The following ARL13B variants were observed in gnomAD, a reference collection of about 807,000 sequenced individuals.
ARL13B encodes the protein ADP-ribosylation factor-like protein 13B.
Under a neutral mutation model 56.1 loss-of-function variants are expected in ARL13B, and 36 were observed. The ratio of observed to expected loss-of-function variants is 0.64; its 90% CI spans 0.49 to 0.85. The LOEUF is 0.85. Ranked by LOEUF, ARL13B falls within the 40% of genes least tolerant of loss-of-function variation. The pLI is 0.00. For synonymous variants in ARL13B, 178 were observed against 171.1 expected (o/e 1.04, Z -0.32); for missense variants, 519 against 507.1 (o/e 1.02, Z -0.23).
At chr3:94,025,299 A>C (rs2076532524) in intron 3 of ARL13B, among the ~76,000 whole-genome samples, 1 of 151,708 alleles carries the variant, frequency 6.6e-6, no homozygotes, top group Non-Finnish European at 1.5e-5. Flanking sequence ...TATTGATATT[A>C]AAGGCAAAAC....
chr3:94,039,835 G>A, intron 5 of ARL13B, 45 bp from the exon 6 acceptor site: 2 of 1,553,404 alleles, frequency 1.3e-6, no homozygotes, highest in African/African-American at 1.4e-5. Flanking sequence ...ACATGGTTCA[G>A]CACTTTCTCA....
At chr3:93,995,245 A>T (rs1277601154) in intron 1 of ARL13B, among the ~76,000 whole-genome samples, 1 of 152,070 alleles carries the variant, frequency 6.6e-6, no homozygotes, top group African/African-American at 2.4e-5. Flanking sequence ...TCTGTAACTG[A>T]TTCATTGTGT....
rs777393140 is a variant in ARL13B at position 93,995,884 on chromosome 3, C to G, written c.70C>G (p.Leu24Val). 2.5e-6 allele frequency: 4 copies of G among 1,611,810 alleles called. No individual in the cohort carries two copies. The highest frequency in any genetic ancestry group is 3.3e-5 in the Admixed American group (2 of 59,938). The change falls in exon 2 of 10, where the codon CTT (leucine) becomes GTT (valine). Residue 24 changes from leucine to valine, a missense_variant. Coordinates refer to ENST00000394222, the MANE Select transcript of ARL13B (RefSeq NM_001174150.2). ...TTCTATTATTTTAAGAAAGGTGACT[C>G]TTTTGATGGTGGGACTTGATAATGC... ...RWREPVRKVT[L>V]LMVGLDNAGK...
chr3:93,988,531 A>G (rs533443405), intron 1 of ARL13B: 2 of 277,704 alleles, frequency 7.2e-6, no homozygotes, highest in Admixed American at 4.6e-5. Context: ...AAATGTTTCT[A>G]GAGCTACTAA....
intron 3 of ARL13B, among the ~76,000 whole-genome samples, chr3:94,034,524 A>G (rs529576424): frequency 3.5e-5 from 5 of 141,626 alleles, no homozygotes; most frequent in Non-Finnish European, 7.7e-5. Flanking sequence ...TTTTTTTTTA[A>G]TTCCCAGTGC....
At chr3:94,012,302 T>C (rs1392892904) in intron 3 of ARL13B, among the ~76,000 whole-genome samples, 1 of 152,208 alleles carries the variant, frequency 6.6e-6, no homozygotes, top group Non-Finnish European at 1.5e-5. Flanking sequence ...TTGGACCTTT[T>C]AATAGTCATT....
At chr3:94,041,741 A>G (rs997027529) in intron 6 of ARL13B, among the ~76,000 whole-genome samples, 6 of 152,182 alleles carry the variant, frequency 3.9e-5, no homozygotes, top group Admixed American at 1.3e-4. Flanking sequence ...AAAAGTGGGC[A>G]TTGGGTTACC....
At chr3:94,038,462 G>C (rs529003445) in intron 5 of ARL13B, among the ~76,000 whole-genome samples, 1 of 141,606 alleles carries the variant, frequency 7.1e-6, no homozygotes, top group East Asian at 2.3e-4. Context: ...TCCAGTTAAA[G>C]ATCCACAATA....
chr3:94,037,700 TATATA>T (rs1452446471), intron 5 of ARL13B, among the ~76,000 whole-genome samples: 5 of 151,784 alleles, frequency 3.3e-5, no homozygotes, highest in African/African-American at 7.2e-5. Flanking sequence ...ATACCTTTTA[TATATA>T]ATATTTATAA....
chr3:93,983,627 G>A (rs1710317595), intron 1 of ARL13B, among the ~76,000 whole-genome samples: 1 of 152,070 alleles, frequency 6.6e-6, no homozygotes, highest in Non-Finnish European at 1.5e-5. Flanking sequence ...AGGGGAACCT[G>A]CTTTCTGCTT....
At chr3:94,029,505 G>A (rs964658053) in intron 3 of ARL13B, among the ~76,000 whole-genome samples, 8 of 150,746 alleles carry the variant, frequency 5.3e-5, no homozygotes, top group Non-Finnish European at 1.0e-4. Context: ...CTGCCACCAC[G>A]CCCAGCTAAT....
chr3:94,051,303 C>A (rs1052509494), intron 9 of ARL13B, among the ~76,000 whole-genome samples: 1 of 152,040 alleles, frequency 6.6e-6, no homozygotes, highest in African/African-American at 2.4e-5. Flanking sequence ...TTTCTCTCTA[C>A]TCCTAATAAG....
At chr3:93,984,338 A>G (rs553438295) in intron 1 of ARL13B, among the ~76,000 whole-genome samples, 49 of 148,896 alleles carry the variant, frequency 3.3e-4, no homozygotes, top group African/African-American at 1.1e-3. Context: ...CCTGGGCGAC[A>G]GAGCAAGACT....
At position 93,980,252 on chromosome 3, in the gene ARL13B, G is replaced by C. The variant is rs1289172535; in HGVS notation, c.-172G>C. The C allele has an allele frequency of 1.2e-6, 1 of 802,022 alleles. No homozygotes were observed. The highest frequency in any genetic ancestry group is 1.7e-5 in the African/African-American group (1 of 59,118). 49.7% of individuals were successfully genotyped at this position (802,022 alleles called of 1,614,324 possible). A position where few individuals can be genotyped will look rare whatever the true frequency, so the allele number is the denominator to read the frequency against. ...AAGAGGGCAGTCGTCGCGGACCCACGCGGTTAGCAAGGCTTAGTGCTCGGG... is the reference window on the plus strand; with the variant it reads ...AAGAGGGCAGTCGTCGCGGACCCACCCGGTTAGCAAGGCTTAGTGCTCGGG... On this transcript the variant is annotated 5_prime_UTR_variant, in exon 1 of 10. Coordinates refer to ENST00000394222, the MANE Select transcript of ARL13B (RefSeq NM_001174150.2).
At chr3:93,999,155 G>A (rs1169233549) in intron 2 of ARL13B, among the ~76,000 whole-genome samples, 1 of 151,682 alleles carries the variant, frequency 6.6e-6, no homozygotes, top group Non-Finnish European at 1.5e-5. Context: ...TGCCCAGGAT[G>A]GTCTTGAACT....
intron 1 of ARL13B, among the ~76,000 whole-genome samples, chr3:93,983,555 T>C (rs1035307885): frequency 6.6e-6 from 1 of 152,316 alleles, no homozygotes; most frequent in African/African-American, 2.4e-5. Context: ...CAACAGTACG[T>C]TGGAGTGCCT....
intron 3 of ARL13B, among the ~76,000 whole-genome samples, chr3:94,016,366 T>A (rs2076333558): frequency 6.6e-6 from 1 of 152,158 alleles, no homozygotes; most frequent in Admixed American, 6.5e-5. Context: ...TATGGAAATA[T>A]TTCTATTAAT....
intron 3 of ARL13B, among the ~76,000 whole-genome samples, chr3:94,016,249 G>T (rs1269097006): frequency 1.3e-5 from 2 of 151,984 alleles, no homozygotes; most frequent in African/African-American, 2.4e-5. Context: ...AGGCTGTTAG[G>T]GAGTACAGAT....
intron 6 of ARL13B, 71 bp downstream of exon 6, chr3:94,040,059 G>A: frequency 3.7e-6 from 5 of 1,350,558 alleles, no homozygotes; most frequent in Non-Finnish European, 5.2e-6. Flanking sequence ...AAGGTGGAAA[G>A]TTGGGAAAGG....
Sources: gnomAD v4.1 joint callset for allele counts (sites outside exome capture counted in the v4.1 genomes callset) on GRCh38, gnomAD v4.1.1 for gene constraint, MANE v1.5 for transcripts, NCBI Gene and HGNC (gene_info 2026-07-23, HGNC 2026-07-21) for gene names.